PLA2G5: variants seen among roughly 807,000 people sequenced by gnomAD.
PLA2G5 encodes phospholipase A2 group V.
PLA2G5 carries 12 observed loss-of-function variants against 15.9 expected under a neutral mutation model. The ratio of observed to expected loss-of-function variants is 0.76; its 90% CI spans 0.48 to 1.23. The LOEUF (loss-of-function observed/expected upper bound fraction) is 1.23, where lower values mean the gene tolerates loss of function less well. Among genes scored for constraint, PLA2G5 ranks in the 50% most tolerant of loss-of-function variants. The pLI is 0.00. For missense variants in PLA2G5, 169 were observed against 177.1 expected, an observed-to-expected ratio of 0.95 and a Z score of 0.26; for synonymous variants, 71 against 71.4, an observed-to-expected ratio of 0.99 and a Z score of 0.03.
chr1:20,037,563 A>G (rs2013326347), intron 1 of PLA2G5, among the ~76,000 whole-genome samples: 1 of 152,170 alleles, frequency 6.6e-6, no homozygotes, highest in African/African-American at 2.4e-5. Context: ...TGTCACATGG[A>G]CAGACTCAGG....
upstream of PLA2G5, among the ~76,000 whole-genome samples, chr1:20,068,589 T>G (rs1164642585): frequency 6.6e-6 from 1 of 151,696 alleles, no homozygotes; most frequent in Non-Finnish European, 1.5e-5. Flanking sequence ...GTAGCTGGGA[T>G]TACAGGCATG....
At chr1:20,031,878 G>C (rs1300648330) in intron 1 of PLA2G5, among the ~76,000 whole-genome samples, 1 of 152,148 alleles carries the variant, frequency 6.6e-6, no homozygotes, top group Non-Finnish European at 1.5e-5. Context: ...GGTGTGTTTT[G>C]ATGATGGACC....
chr1:20,045,610 G>A (rs1253626611), intron 1 of PLA2G5, among the ~76,000 whole-genome samples: 1 of 152,182 alleles, frequency 6.6e-6, no homozygotes, highest in Non-Finnish European at 1.5e-5. Flanking sequence ...GACAGAGGTT[G>A]GAGAAGAGAG....
chr1:20,052,799 G>C (rs1484458571), intron 1 of PLA2G5, among the ~76,000 whole-genome samples: 1 of 152,084 alleles, frequency 6.6e-6, no homozygotes, highest in East Asian at 1.9e-4. Flanking sequence ...ACTGCTCAGG[G>C]CAAATTTGCC....
In PLA2G5 at chr1:20,034,935, G is replaced by A. The variant is rs78952711; in HGVS notation, n.276+6226G>A. Among the ~76,000 whole-genome samples the A allele has an allele frequency of 2.5e-4, 38 of 152,196 alleles. No homozygotes were observed. In the East Asian group the frequency reaches 4.5e-3, roughly 18 times the overall value. ...AAAAAGGAGAGTCACCCACTAATTG[G>A]AGACAGGTGTTGGATGTGATGAGAA... On this transcript the variant is annotated intron_variant and non_coding_transcript_variant, in intron 1 of 6. Coordinates refer to the PLA2G5 transcript ENST00000460175.
chr1:20,032,856 T>G (rs541213403), intron 1 of PLA2G5, among the ~76,000 whole-genome samples: 1 of 152,288 alleles, frequency 6.6e-6, no homozygotes, highest in Admixed American at 6.5e-5. Flanking sequence ...GGCTGCTGAA[T>G]TTGCTAAGAA....
chr1:20,085,784 AT>A (rs970186168), intron 2 of PLA2G5, among the ~76,000 whole-genome samples: 39 of 152,268 alleles, frequency 2.6e-4, no homozygotes, highest in African/African-American at 8.7e-4. Context: ...GTAGCTGCTA[AT>A]TTGGGGTCCC....
intron 1 of PLA2G5, among the ~76,000 whole-genome samples, chr1:20,038,242 A>G (rs1165478712): frequency 6.6e-6 from 1 of 152,116 alleles, no homozygotes; most frequent in African/African-American, 2.4e-5. Context: ...TTCTGTGGTC[A>G]TATCTGCACA....
chr1:20,080,623 G>GA lies in PLA2G5; in HGVS notation c.-10-4191dup, dbSNP rs1485723778. Among the ~76,000 whole-genome samples the GA allele has an allele frequency of 3.3e-4, 49 of 149,294 alleles. 2 individuals carry two copies. Among genetic ancestry groups the GA allele is most frequent in the African/African-American group, 1.2e-3 (46 of 38,772 alleles). On this transcript the variant is annotated intron_variant, in intron 1 of 4. Coordinates refer to ENST00000375108, the MANE Select transcript of PLA2G5 (RefSeq NM_000929.3). ...AACAACTGCTTCTGAATACACAATG[G>GA]AAAAAAATCCCCAGGGGTTGTGCCA...
chr1:20,068,824 T>C (rs1012465854), upstream of PLA2G5: 2 of 512,144 alleles, frequency 3.9e-6, no homozygotes, highest in African/African-American at 4.0e-5. Flanking sequence ...TTGCAACATA[T>C]ATAGCAAACA....
chr1:20,060,182 G>T (rs2014636847), intron 2 of PLA2G5, among the ~76,000 whole-genome samples: 1 of 150,876 alleles, frequency 6.6e-6, no homozygotes. Context: ...GCTTTTGGAG[G>T]TAGAACACTG....
chr1:20,029,479 G>A (rs1247709023), intron 1 of PLA2G5, among the ~76,000 whole-genome samples: 1 of 152,166 alleles, frequency 6.6e-6, no homozygotes, highest in African/African-American at 2.4e-5. Context: ...ACGTGCAGCC[G>A]CTGTGTGTCT....
At chr1:20,035,082 C>T (rs2013174029) in intron 1 of PLA2G5, among the ~76,000 whole-genome samples, 1 of 152,058 alleles carries the variant, frequency 6.6e-6, no homozygotes, top group African/African-American at 2.4e-5. Flanking sequence ...GAACCCAATC[C>T]CCATTCCAGG....
chr1:20,061,993 C>T (rs2014758960), intron 2 of PLA2G5, among the ~76,000 whole-genome samples: 1 of 152,178 alleles, frequency 6.6e-6, no homozygotes, highest in South Asian at 2.1e-4. Flanking sequence ...TGGCTTGGGC[C>T]ATCCCTTTGG....
intron 1 of PLA2G5, among the ~76,000 whole-genome samples, chr1:20,044,370 G>C (rs940179046): frequency 4.3e-5 from 2 of 46,888 alleles, no homozygotes; most frequent in Non-Finnish European, 8.0e-5. Flanking sequence ...TTCCTGTTGT[G>C]GGGGGGGTTT....
chr1:20,034,235 G>A (rs1188894369), intron 1 of PLA2G5, among the ~76,000 whole-genome samples: 1 of 152,156 alleles, frequency 6.6e-6, no homozygotes, highest in African/African-American at 2.4e-5. Flanking sequence ...CTTGGTGAAG[G>A]CCTGTTCGAA....
chr1:20,054,810 T>G (rs2014353936), intron 1 of PLA2G5: 1 of 152,186 alleles, frequency 6.6e-6, no homozygotes, highest in Non-Finnish European at 1.5e-5. Flanking sequence ...TCTGGACAGA[T>G]TCCTAGAAGT....
intron 1 of PLA2G5, among the ~76,000 whole-genome samples, chr1:20,043,150 A>G (rs1397120855): frequency 6.6e-6 from 1 of 152,098 alleles, no homozygotes; most frequent in Non-Finnish European, 1.5e-5. Context: ...GTAGGGGAAT[A>G]ATGGAAAAAG....
At chr1:20,036,327 A>C (rs1365665893) in intron 1 of PLA2G5, among the ~76,000 whole-genome samples, 1 of 152,186 alleles carries the variant, frequency 6.6e-6, no homozygotes, top group African/African-American at 2.4e-5. Context: ...GTTTCCTCAA[A>C]TAAGTTTTCC....
Sources: gnomAD v4.1 joint callset for allele counts (sites outside exome capture counted in the v4.1 genomes callset) on GRCh38, gnomAD v4.1.1 for gene constraint, MANE v1.5 for transcripts, NCBI Gene and HGNC (gene_info 2026-07-23, HGNC 2026-07-21) for gene names.